The following RARB variants were observed in gnomAD, a reference collection of about 807,000 sequenced individuals.
RARB encodes HBV-activated protein.
In RARB, 17 loss-of-function variants were observed where a neutral mutation model predicts 51.9. That is an observed-to-expected ratio of 0.33 (90% CI 0.22 to 0.49). The LOEUF (loss-of-function observed/expected upper bound fraction) is 0.49. Among genes scored for constraint, RARB ranks in the 20% least tolerant of loss-of-function variants. The pLI is 0.99. For missense variants in RARB, 369 were observed against 550.8 expected (o/e 0.67, Z 3.30); for synonymous variants, 215 against 195.4 (o/e 1.10, Z -0.84).
chr3:24,932,918 C>G (rs564490813), intron 2 of RARB, among the ~76,000 whole-genome samples: 61 of 152,028 alleles, frequency 4.0e-4, no homozygotes, highest in African/African-American at 1.5e-3. Flanking sequence ...AGAGAAAACC[C>G]ATATAATTTA....
chr3:25,202,572 A>G lies in RARB; in HGVS notation c.178+27997A>G, dbSNP rs1369619467. 4.6e-5 allele frequency among the ~76,000 whole-genome samples: 7 copies of G among 152,134 alleles called. No individual in the cohort carries two copies. The South Asian group carries it at 1.5e-3, about 32-fold the overall frequency. On this transcript the variant is annotated intron_variant, in intron 5 of 11. Transcript: ENST00000383772. The stretch of plus-strand genomic sequence containing the variant: ...TTCCTGCTTTGTCTTGCGGGCATTT[A>G]GTGCTATAAATTTCCCTCTACACAC...
At chr3:25,303,374 T>C (rs1704084611) in intron 5 of RARB, among the ~76,000 whole-genome samples, 1 of 152,212 alleles carries the variant, frequency 6.6e-6, no homozygotes, top group African/African-American at 2.4e-5. Flanking sequence ...CAGGACTTTC[T>C]GTTTAGTAAT....
At chr3:24,861,194 A>G (rs74756172) in intron 2 of RARB, among the ~76,000 whole-genome samples, 1,977 of 152,306 alleles carry the variant, frequency 0.013, 54 homozygotes, top group African/African-American at 0.046. Flanking sequence ...GTATAGTATA[A>G]CTACTATTTA....
chr3:25,498,971 A>T (rs982448905), intron 2 of RARB, among the ~76,000 whole-genome samples: 1 of 152,194 alleles, frequency 6.6e-6, no homozygotes, highest in African/African-American at 2.4e-5. Context: ...GATTCTAAGC[A>T]CATTTGTAGT....
At chr3:25,090,516 CAAAT>C (rs1184610352) in intron 3 of RARB, among the ~76,000 whole-genome samples, 1 of 152,058 alleles carries the variant, frequency 6.6e-6, no homozygotes, top group Non-Finnish European at 1.5e-5. Flanking sequence ...AACCTAAGAA[CAAAT>C]ATCATTCTGA....
chr3:25,289,339 T>G (rs1318666050), intron 5 of RARB, among the ~76,000 whole-genome samples: 1 of 152,238 alleles, frequency 6.6e-6, no homozygotes, highest in Non-Finnish European at 1.5e-5. Flanking sequence ...TGAAGCTGGC[T>G]TTATTAACAA....
chr3:24,942,127 G>A (rs1428548849), intron 2 of RARB, among the ~76,000 whole-genome samples: 2 of 152,190 alleles, frequency 1.3e-5, no homozygotes, highest in Non-Finnish European at 2.9e-5. Flanking sequence ...CTTGTTCAAG[G>A]TCACACCGCT....
intron 5 of RARB, among the ~76,000 whole-genome samples, chr3:25,272,898 G>T (rs1703287184): frequency 6.6e-6 from 1 of 152,150 alleles, no homozygotes; most frequent in Non-Finnish European, 1.5e-5. Flanking sequence ...AAACTACAGG[G>T]CTGCTTATTA....
chr3:25,375,696 AG>A (rs1706440315), intron 5 of RARB, among the ~76,000 whole-genome samples: 2 of 152,198 alleles, frequency 1.3e-5, no homozygotes, highest in African/African-American at 4.8e-5. Context: ...ATTAGTTGAG[AG>A]AATCTCTACA....
At chr3:25,296,934 G>A (rs1703928868) in intron 5 of RARB, among the ~76,000 whole-genome samples, 1 of 152,176 alleles carries the variant, frequency 6.6e-6, no homozygotes, top group South Asian at 2.1e-4. Context: ...CAGTGTCATG[G>A]GCAGTCCGTG....
intron 3 of RARB, among the ~76,000 whole-genome samples, chr3:25,060,429 G>A (rs145412913): frequency 2.8e-3 from 424 of 151,922 alleles, no homozygotes; most frequent in African/African-American, 9.8e-3. Flanking sequence ...GGATGGTATA[G>A]AGCAGAGGGT....
At chr3:25,195,616 C>A (rs1701214760) in intron 5 of RARB, among the ~76,000 whole-genome samples, 1 of 151,868 alleles carries the variant, frequency 6.6e-6, no homozygotes, top group Non-Finnish European at 1.5e-5. Context: ...GTTTAAAATT[C>A]TTGTTACAGA....
chr3:25,356,891 C>A (rs565580076), intron 5 of RARB, among the ~76,000 whole-genome samples: 1 of 152,256 alleles, frequency 6.6e-6, no homozygotes, highest in South Asian at 2.1e-4. Flanking sequence ...ATATGTGCCA[C>A]ATTTTCTTTA....
At chr3:25,180,305 C>T (rs978909797) in intron 5 of RARB, among the ~76,000 whole-genome samples, 9 of 151,978 alleles carry the variant, frequency 5.9e-5, no homozygotes, top group Non-Finnish European at 7.4e-5. Flanking sequence ...AAAGACATTC[C>T]GGTTGTATTT....
chr3:24,928,161 TCAG>T (rs1427066750), intron 2 of RARB, among the ~76,000 whole-genome samples: 1 of 151,982 alleles, frequency 6.6e-6, no homozygotes, highest in Non-Finnish European at 1.5e-5. Flanking sequence ...CCATTGGAAG[TCAG>T]CAGGTATAAA....
intron 5 of RARB, among the ~76,000 whole-genome samples, chr3:25,586,882 G>A (rs1378528675): frequency 6.6e-6 from 1 of 152,220 alleles, no homozygotes; most frequent in Non-Finnish European, 1.5e-5. Context: ...GGGCGTCTGT[G>A]CCATCACGAG....
chr3:25,108,730 T>A (rs1699552287), intron 3 of RARB, among the ~76,000 whole-genome samples: 1 of 145,670 alleles, frequency 6.9e-6, no homozygotes, highest in African/African-American at 2.4e-5. Context: ...TTTCTTGATG[T>A]TTTTTACTGT....
intron 5 of RARB, among the ~76,000 whole-genome samples, chr3:25,405,781 T>C (rs541936373): frequency 6.6e-6 from 1 of 152,248 alleles, no homozygotes; most frequent in Non-Finnish European, 1.5e-5. Context: ...AAAGTTTTAT[T>C]GGACAATGCT....
intron 5 of RARB, among the ~76,000 whole-genome samples, chr3:25,243,028 C>T (rs1460384313): frequency 6.6e-6 from 1 of 152,014 alleles, no homozygotes; most frequent in African/African-American, 2.4e-5. Context: ...CTTCACATCC[C>T]CTGTAAGTTG....
Sources: gnomAD v4.1 joint callset for allele counts (sites outside exome capture counted in the v4.1 genomes callset) on GRCh38, gnomAD v4.1.1 for gene constraint, MANE v1.5 for transcripts, NCBI Gene and HGNC (gene_info 2026-07-23, HGNC 2026-07-21) for gene names.